Variants in MTOR observed in about 807,000 individuals in gnomAD.
The protein encoded by MTOR is mechanistic target of rapamycin kinase.
In MTOR, 70 loss-of-function variants were observed where a neutral mutation model predicts 319.8. That is an observed-to-expected ratio of 0.22 (90% CI 0.18 to 0.27). MTOR has a LOEUF of 0.27. Ranked by LOEUF, MTOR falls within the 10% of genes least tolerant of loss-of-function variation. The pLI is 1.00. For synonymous variants in MTOR, 1,183 were observed against 1,211.4 expected (o/e 0.98, Z 0.49); for missense variants, 1,890 against 3,274.4 (o/e 0.58, Z 10.32).
rs1282193430 is a variant in MTOR, at chr1:11,194,619, C to A, written c.4253+4639G>T. 7 of 1,614,058 alleles carry A rather than the reference C, an allele frequency of 4.3e-6. No individual in the cohort carries two copies. Among genetic ancestry groups the A allele is most frequent in the Non-Finnish European group, 5.9e-6 (7 of 1,180,036 alleles). On this transcript the variant is annotated intron_variant, in intron 28 of 57. Transcript: ENST00000361445. Reference sequence around the variant, plus strand: ...CAGCCTTCAGCACCAAGGACAAGGACAATGACAACTGCTTGGACAAGTGTG... The same window carrying A: ...CAGCCTTCAGCACCAAGGACAAGGAAAATGACAACTGCTTGGACAAGTGTG...
At chr1:11,134,891 C>G (rs954272518) in intron 36 of MTOR, among the ~76,000 whole-genome samples, 2 of 152,202 alleles carry the variant, frequency 1.3e-5, no homozygotes, top group African/African-American at 4.8e-5. Context: ...GTACCTTGGA[C>G]AGTCCAGCGG....
chr1:11,238,887 T>A (rs1194630006), intron 11 of MTOR, among the ~76,000 whole-genome samples: 3 of 151,338 alleles, frequency 2.0e-5, no homozygotes, highest in African/African-American at 7.3e-5. Context: ...CTCAGCCTCC[T>A]GAGTAGCTGG....
At position 11,255,993 on chromosome 1, in the gene MTOR, C is replaced by T. The variant is rs2100974698; in HGVS notation, c.704G>A (p.Arg235Lys). The T allele has an allele frequency of 6.2e-7, 1 of 1,613,770 alleles. No individual in the cohort carries two copies. Among genetic ancestry groups the T allele is most frequent in the Non-Finnish European group, 8.5e-7 (1 of 1,179,920 alleles). ...GTGGGAATGGAGCCATCTCCTTACC[C>T]TGTACCACTGAGGCTTCTGCATCTC... ...PKEMQKPQWYRHTFEEAEKGF... is the reference protein window; with the variant it reads ...PKEMQKPQWYKHTFEEAEKGF... The change falls in exon 5 of 58, where the codon AGG (arginine) becomes AAG (lysine). Residue 235 changes from arginine (R) to lysine (K), a missense_variant and splice_region_variant. Transcript: ENST00000361445.
intron 36 of MTOR, among the ~76,000 whole-genome samples, chr1:11,135,516 A>T (rs994217075): frequency 2.6e-5 from 4 of 152,216 alleles, no homozygotes; most frequent in African/African-American, 9.6e-5. Context: ...AAATCATATA[A>T]GAGGTATTTT....
At chr1:11,257,215 G>A (rs1189623767) in intron 3 of MTOR, 50 bp from the exon 4 acceptor site, 2 of 1,495,556 alleles carry the variant, frequency 1.3e-6, no homozygotes, top group Non-Finnish European at 9.2e-7. Context: ...ATGCTGGCCA[G>A]GAAAGTACGC....
intron 19 of MTOR, among the ~76,000 whole-genome samples, chr1:11,216,979 C>A (rs1057428974): frequency 6.6e-6 from 1 of 152,148 alleles, no homozygotes; most frequent in African/African-American, 2.4e-5. Flanking sequence ...AAAGTTTTTA[C>A]CAACTGTAAA....
Position 11,134,386 on chromosome 1 carries a change from C to T in MTOR, c.5211G>A (p.Gln1737=). 8.7e-6 allele frequency: 14 copies of T among 1,614,202 alleles called. No individual in the cohort carries two copies. Among genetic ancestry groups the T allele is most frequent in the Non-Finnish European group, 1.2e-5 (14 of 1,180,040 alleles). The part of the protein sequence containing the change: ...QAQHAIATED[Q]QHKQELHKLM... ...GCTTGTGCAGTTCCTGCTTATGCTGCTGGTCCTCAGTAGCGATGGCATGCT... is the reference window on the plus strand; with the variant it reads ...GCTTGTGCAGTTCCTGCTTATGCTGTTGGTCCTCAGTAGCGATGGCATGCT... Residue 1737 remains glutamine, a synonymous_variant, in exon 37 of 58, where the codon CAG becomes CAA. Coordinates refer to ENST00000361445, the MANE Select transcript of MTOR (RefSeq NM_004958.4).
At chr1:11,208,683 T>C (rs886431626) in intron 25 of MTOR, among the ~76,000 whole-genome samples, 5 of 152,266 alleles carry the variant, frequency 3.3e-5, no homozygotes, top group African/African-American at 1.2e-4. Flanking sequence ...TCACTAGAGA[T>C]GCTTTGAAAC....
In MTOR at chr1:11,234,186, T is replaced by C. The variant is rs564665938; in HGVS notation, c.2288A>G (p.Asn763Ser). Reference protein sequence around the residue: ...SARMLGHLVSNAPRLIRPYME... With the variant: ...SARMLGHLVSSAPRLIRPYME... ...GTAGGGGCGGATGAGTCGGGGGGCA[T>C]TGGAGACCAGGTGCCCCAGCATGCG... The change falls in exon 14 of 58, where the codon AAT (asparagine) becomes AGT (serine). Residue 763 changes from asparagine (N) to serine (S), a missense_variant. Asn to Ser is a conservative substitution (Grantham distance 46). Transcript: ENST00000361445. 5 of 1,614,128 alleles carry C rather than the reference T, an allele frequency of 3.1e-6. No homozygotes were observed. Among genetic ancestry groups the C allele is most frequent in the African/African-American group, 1.3e-5 (1 of 75,038 alleles).
intron 47 of MTOR, among the ~76,000 whole-genome samples, chr1:11,122,949 C>T (rs1450034211): frequency 2.0e-5 from 3 of 152,150 alleles, no homozygotes; most frequent in Non-Finnish European, 4.4e-5. Context: ...CTCAACCTGC[C>T]CAAGAAACTC....
Position 11,237,444 on chromosome 1 carries a change from C to T in MTOR, c.2208+399G>A, listed in dbSNP as rs377185536. ...CACTGGTTATTTTTGTGAAGAACAA[C>T]GGCCTCCGTGCTTGACCTGGCACCA... On this transcript the variant is annotated intron_variant, in intron 13 of 57. Coordinates refer to ENST00000361445, the MANE Select transcript of MTOR (RefSeq NM_004958.4). Among the ~76,000 whole-genome samples, 3 of 152,212 alleles carry T rather than the reference C, an allele frequency of 2.0e-5. No homozygotes were observed. In the East Asian group the frequency reaches 5.8e-4, roughly 29 times the overall value.
rs1646235108 is a variant in MTOR at position 11,209,214 on chromosome 1, G to A, written c.3801+98C>T. 3.5e-6 allele frequency: 5 copies of A among 1,442,310 alleles called. No individual in the cohort carries two copies. In the Admixed American group the frequency reaches 1.0e-4, roughly 29 times the overall value. 89.3% of individuals were successfully genotyped at this position (1,442,310 alleles called of 1,614,324 possible). A position where few individuals can be genotyped will look rare whatever the true frequency, so the allele number is the denominator to read the frequency against. On this transcript the variant is annotated intron_variant, in intron 25 of 57. Transcript: ENST00000361445. Reference sequence around the variant, plus strand: ...TCTAGATTTCTGGAAAAAACACCTGGGCTGGTTTTCGGTTGCCCAGTTTAA... The same window carrying A: ...TCTAGATTTCTGGAAAAAACACCTGAGCTGGTTTTCGGTTGCCCAGTTTAA...
Position 11,248,087 on chromosome 1 carries a change from C to T in MTOR, c.848G>A (p.Arg283Lys), listed in dbSNP as rs751686958. The T allele has an allele frequency of 2.5e-6, 4 of 1,606,324 alleles. No individual in the cohort carries two copies. The highest frequency in any genetic ancestry group is 1.1e-5 in the South Asian group (1 of 90,386). ...CTGTGTGATTTCTTCCATTTCTTCT[C>T]TCAGACGCTATATATATGAGGAGGA... ...RISSMEGERLREEMEEITQQQ... is the reference protein window; with the variant it reads ...RISSMEGERLKEEMEEITQQQ... Residue 283 changes from arginine (R) to lysine (K), a missense_variant, in exon 7 of 58, where the codon AGA becomes AAA. Transcript: ENST00000361445.
At chr1:11,164,449 A>C (rs1031371223) in intron 29 of MTOR, among the ~76,000 whole-genome samples, 1 of 152,156 alleles carries the variant, frequency 6.6e-6, no homozygotes, top group East Asian at 1.9e-4. Flanking sequence ...AACTACCATC[A>C]GAGAATACTA....
chr1:11,258,403 G>A (rs776815438), intron 3 of MTOR, 82 bp downstream of exon 3: 26 of 918,014 alleles, frequency 2.8e-5, no homozygotes, highest in Non-Finnish European at 4.1e-5. Context: ...ATATGAACTA[G>A]TATCCAGTAA....
intron 34 of MTOR, among the ~76,000 whole-genome samples, 184 bp from the exon 35 acceptor site, chr1:11,139,842 C>T (rs188835638): frequency 2.0e-5 from 3 of 152,174 alleles, no homozygotes; most frequent in Non-Finnish European, 2.9e-5. Flanking sequence ...CAGGCGTGTG[C>T]CATCATGCCT....
intron 28 of MTOR, 97 bp from the exon 29 acceptor site, chr1:11,167,614 G>T: frequency 1.1e-6 from 1 of 874,582 alleles, no homozygotes. Context: ...AGCACTTTGA[G>T]GACAATGTCT....
chr1:11,258,436 G>C (rs1394845813), intron 3 of MTOR, 49 bp downstream of exon 3: 1 of 1,294,622 alleles, frequency 7.7e-7, no homozygotes, highest in Non-Finnish European at 1.1e-6. Context: ...GGGTGCAGTG[G>C]GCACAAAGGT....
At chr1:11,113,018 GCT>G in intron 53 of MTOR, 101 bp from the exon 54 acceptor site, 1 of 1,240,794 alleles carries the variant, frequency 8.1e-7, no homozygotes, top group Admixed American at 2.0e-5. Context: ...TGTTCGTAAA[GCT>G]ATAGCCCCAA....
Sources: gnomAD v4.1 joint callset for allele counts (sites outside exome capture counted in the v4.1 genomes callset) on GRCh38, gnomAD v4.1.1 for gene constraint, MANE v1.5 for transcripts, NCBI Gene and HGNC (gene_info 2026-07-23, HGNC 2026-07-21) for gene names.